The following ZAN variants were observed in gnomAD, a reference collection of about 807,000 sequenced individuals.
The protein encoded by ZAN is zonadhesin, also known as zonadhesin (gene/pseudogene).
A neutral mutation model predicts 286.2 loss-of-function variants in ZAN; 260 were observed. The observed-to-expected ratio is 0.91, with a 90% CI of 0.82 to 1.01. The LOEUF is 1.01. Among genes scored for constraint, ZAN ranks in the 50% least tolerant of loss-of-function variants. The pLI, the probability that ZAN is intolerant of heterozygous loss-of-function variation, is 0.00. For synonymous variants in ZAN, 1,368 were observed against 1,417.5 expected (o/e 0.97, Z 0.79); for missense variants, 3,410 against 3,639.2 (o/e 0.94, Z 1.62).
chr7:100,737,818 T>C lies in ZAN; in HGVS notation c.613+469T>C, dbSNP rs1807422228. 2.2e-5 allele frequency among the ~76,000 whole-genome samples: 3 copies of C among 137,728 alleles called. 1 individual carries two copies. The highest frequency in any genetic ancestry group is 2.2e-4 in the Admixed American group (3 of 13,888). 90.4% of individuals were successfully genotyped at this position (137,728 alleles called of 152,430 possible). A position where few individuals can be genotyped will look rare whatever the true frequency, so the allele number is the denominator to read the frequency against. ...AAGCAGCCGTGCCTAAAGAGAGGTC[T>C]CGGCCCAGCACAGTGGCTCAGGCCT... On this transcript the variant is annotated intron_variant, in intron 6 of 47. Coordinates refer to ENST00000613979, the MANE Select transcript of ZAN (RefSeq NM_003386.3).
At position 100,743,011 on chromosome 7, in the gene ZAN, G is replaced by A. The variant is rs1294577506; in HGVS notation, c.767-3527G>A. 3.8e-5 allele frequency among the ~76,000 whole-genome samples: 5 copies of A among 130,380 alleles called. No individual in the cohort carries two copies. In the East Asian group the frequency reaches 6.4e-4, roughly 17 times the overall value. 85.5% of individuals were successfully genotyped at this position (130,380 alleles called of 152,430 possible). ...AGGAGGCTTTTGCAAAAATCCAGGC[G>A]ACACTCTTTCTTTTTCTTTCTTTTT... On this transcript the variant is annotated intron_variant, in intron 7 of 47. Transcript: ENST00000613979.
Position 100,768,033 on chromosome 7 carries a change from G to A in ZAN, c.5041+22G>A, listed in dbSNP as rs772688957. 6.3e-6 allele frequency: 10 copies of A among 1,598,592 alleles called. No homozygotes were observed. In the East Asian group the frequency reaches 1.3e-4, roughly 21 times the overall value. On this transcript the variant is annotated intron_variant, in intron 26 of 47. Transcript: ENST00000613979. ...TGTGGTGAGTTTCCTGGGCACCTGC[G>A]GGGAAAGCTGGGACAATGAGTAGGC...
rs764987428 is a variant in ZAN, at chr7:100,733,975, C to T, written c.-142-52C>T. ...GTTTATTTCCCTCGATTTCAATCTA[C>T]GATGCTTCTACTGGATGGTAACTTT... On this transcript the variant is annotated intron_variant, in intron 1 of 47. Coordinates refer to ENST00000613979, the MANE Select transcript of ZAN (RefSeq NM_003386.3). 43 of 414,040 alleles carry T rather than the reference C, an allele frequency of 1.0e-4. 6 individuals are homozygous for T. Among genetic ancestry groups the T allele is most frequent in the Admixed American group, 1.7e-4 (4 of 24,108 alleles). 25.6% of individuals were successfully genotyped at this position (414,040 alleles called of 1,614,324 possible). A position where few individuals can be genotyped will look rare whatever the true frequency, so the allele number is the denominator to read the frequency against.
chr7:100,762,970 C>T (rs371328903), intron 20 of ZAN, among the ~76,000 whole-genome samples: 90 of 145,328 alleles, frequency 6.2e-4, no homozygotes, highest in African/African-American at 1.7e-3. Flanking sequence ...CCCTCCCCAA[C>T]GGTTTTTTTT....
intron 35 of ZAN, among the ~76,000 whole-genome samples, chr7:100,781,652 C>CT (rs5886134): frequency 0.29 from 37,444 of 128,204 alleles, 6,221 homozygotes; most frequent in Non-Finnish European, 0.36. Flanking sequence ...CATTGCTATA[C>CT]TTTTTTTTTT....
At chr7:100,792,638 T>A in intron 42 of ZAN, 159 bp downstream of exon 42, 1 of 1,427,488 alleles carries the variant, frequency 7.0e-7, no homozygotes, top group Non-Finnish European at 9.2e-7. Flanking sequence ...TCGGGCTTTC[T>A]GTCTTAGTCC....
Position 100,738,353 on chromosome 7 carries a change from G to A in ZAN, c.614-108G>A. ...GGACCGCTTGAGTCCAGGAGTTCGA[G>A]GCCGCAGTGAGCTATGATCACACCA... is the stretch of plus-strand genomic sequence containing the variant. On this transcript the variant is annotated intron_variant, in intron 6 of 47. Transcript: ENST00000613979. 5.4e-6 allele frequency: 6 copies of A among 1,101,282 alleles called. 2 individuals carry two copies. Among genetic ancestry groups the A allele is most frequent in the Non-Finnish European group, 7.9e-6 (6 of 761,772 alleles). The allele number at this position is 1,101,282 out of a possible 1,614,324, so 68.2% of individuals were successfully genotyped here.
At chr7:100,795,656 C>T (rs1316834781) in intron 45 of ZAN, among the ~76,000 whole-genome samples, 1 of 151,814 alleles carries the variant, frequency 6.6e-6, no homozygotes, top group Non-Finnish European at 1.5e-5. Context: ...CCTGTAATCC[C>T]AGCACTTTGG....
intron 29 of ZAN, 77 bp downstream of exon 29, chr7:100,772,097 C>CA: frequency 2.0e-5 from 24 of 1,227,728 alleles, no homozygotes; most frequent in South Asian, 3.5e-5. Flanking sequence ...CCTCTAAATT[C>CA]TTTTTTTTTT....
chr7:100,762,303 G>A lies in ZAN; in HGVS notation c.3931G>A (p.Gly1311Arg), dbSNP rs186165754. The A allele has an allele frequency of 1.2e-4, 186 of 1,613,692 alleles. 1 individual carries two copies. The East Asian group carries it at 3.9e-3, about 34-fold the overall frequency. ...CCTGAAGTTGGACGGCAGCCCAGCA[G>A]GAGACAAGGAGGAGCTGGGGAACAG... ...DHLKLDGSPA[G>R]DKEELGNSWQ... Residue 1311 changes from glycine to arginine, a missense_variant, in exon 20 of 48, where the codon GGA becomes AGA. Transcript: ENST00000613979.
intron 14 of ZAN, among the ~76,000 whole-genome samples, chr7:100,753,807 T>C (rs1808957851): frequency 7.0e-6 from 1 of 142,352 alleles, no homozygotes; most frequent in African/African-American, 2.6e-5. Context: ...CACTTCAGCT[T>C]GGGCAACAGA....
At chr7:100,768,932 C>T (rs572409418) in intron 27 of ZAN, among the ~76,000 whole-genome samples, 1 of 152,276 alleles carries the variant, frequency 6.6e-6, no homozygotes, top group East Asian at 1.9e-4. Flanking sequence ...CTGCTGATTT[C>T]TCCCATGCTT....
chr7:100,786,653 C>T (rs1811583741), intron 37 of ZAN, among the ~76,000 whole-genome samples: 1 of 152,190 alleles, frequency 6.6e-6, no homozygotes, highest in Admixed American at 6.5e-5. Context: ...TCATGTGTTC[C>T]TCCTGCCTCA....
In ZAN at chr7:100,763,713, C is replaced by T. The variant is rs946083707; in HGVS notation, c.3987-93C>T. 1.4e-4 allele frequency: 187 copies of T among 1,325,434 alleles called. No individual in the cohort carries two copies. Among genetic ancestry groups the T allele is most frequent in the Middle Eastern group, 3.9e-4 (2 of 5,160 alleles). The allele number at this position is 1,325,434 out of a possible 1,614,324, so 82.1% of individuals were successfully genotyped here. A position where few individuals can be genotyped will look rare whatever the true frequency, so the allele number is the denominator to read the frequency against. On this transcript the variant is annotated intron_variant, in intron 20 of 47. Coordinates refer to ENST00000613979, the MANE Select transcript of ZAN (RefSeq NM_003386.3). The surrounding 1 kb of genome is among the most constrained non-coding windows in gnomAD (Gnocchi z 4.6). ...TTTCCCAGCTGACAGGCTGGTTTGC[C>T]GGTCCCGGCCTGCCAGCCTTGCTGC...
chr7:100,787,956 GCAAGGCCGCATGACCTAT>G lies in ZAN; in HGVS notation c.7048_7065del (p.Gln2350_Tyr2355del). ...CATTTGACGGCTTCAGCTACCGCTTGCAAGGCCGCATGACCTATGTTCTGATCAAGACTGTGGACGTAC... is the reference window on the plus strand; with the variant it reads ...CATTTGACGGCTTCAGCTACCGCTTGGTTCTGATCAAGACTGTGGACGTAC... On this transcript the variant is annotated inframe_deletion, in exon 38 of 48. Transcript: ENST00000613979. 8.0e-6 allele frequency: 4 copies of G among 498,322 alleles called. No homozygotes were observed. The highest frequency in any genetic ancestry group is 2.5e-5 in the South Asian group (1 of 40,206). The allele number at this position is 498,322 out of a possible 1,614,324, so 30.9% of individuals were successfully genotyped here. A position where few individuals can be genotyped will look rare whatever the true frequency, so the allele number is the denominator to read the frequency against.
At chr7:100,736,665 G>A (rs952735867) in intron 4 of ZAN, 36 bp downstream of exon 4, 1 of 1,516,224 alleles carries the variant, frequency 6.6e-7, no homozygotes, top group Non-Finnish European at 9.0e-7. Context: ...CCATGAGCAG[G>A]GAGGTGGCTG....
At chr7:100,749,651 A>AATATAT (rs1247548413) in intron 11 of ZAN, among the ~76,000 whole-genome samples, 7 of 109,440 alleles carry the variant, frequency 6.4e-5, no homozygotes, top group African/African-American at 1.1e-4. Flanking sequence ...AAAAAAAAAA[A>AATATAT]ATATATATAT....
At chr7:100,794,039 G>A in intron 43 of ZAN, 21 bp downstream of exon 43, 2 of 1,612,346 alleles carry the variant, frequency 1.2e-6, no homozygotes, top group South Asian at 1.1e-5. Flanking sequence ...GCAGCAGGAG[G>A]CCCTGGGGAG....
chr7:100,760,674 G>A, intron 19 of ZAN, 138 bp downstream of exon 19: 1 of 1,331,988 alleles, frequency 7.5e-7, no homozygotes, highest in African/African-American at 1.5e-5. Flanking sequence ...ATTCACGGAT[G>A]GGAAGCACCC....
Sources: gnomAD v4.1 joint callset for allele counts (sites outside exome capture counted in the v4.1 genomes callset) on GRCh38, gnomAD v4.1.1 for gene constraint, Gnocchi (gnomAD v3.1) non-coding constraint, MANE v1.5 for transcripts, NCBI Gene and HGNC (gene_info 2026-07-23, HGNC 2026-07-21) for gene names.